Variants in PPP1R14C observed in about 807,000 individuals in gnomAD.
PPP1R14C encodes the protein protein phosphatase 1 regulatory inhibitor subunit 14C.
Under a neutral mutation model 20.4 loss-of-function variants are expected in PPP1R14C, and 16 were observed. That is an observed-to-expected ratio of 0.78 (90% CI 0.53 to 1.19). The LOEUF is 1.19. PPP1R14C is among the 50% of genes most tolerant of loss of function. The pLI is 0.00. For synonymous variants in PPP1R14C, 91 were observed against 91.0 expected, an observed-to-expected ratio of 1.00 and a Z score of 0.00; for missense variants, 211 against 220.1, an observed-to-expected ratio of 0.96 and a Z score of 0.26.
At chr6:150,198,773 G>T (rs1342426195) in intron 1 of PPP1R14C, among the ~76,000 whole-genome samples, 3 of 152,168 alleles carry the variant, frequency 2.0e-5, no homozygotes, top group South Asian at 4.1e-4. Flanking sequence ...CAGGGAAAAG[G>T]GTGTCTTTCT....
rs981258146 is a variant in PPP1R14C at position 150,143,796 on chromosome 6, C to T, written c.306+298C>T. On this transcript the variant is annotated intron_variant, in intron 1 of 3. Coordinates refer to ENST00000361131, the MANE Select transcript of PPP1R14C (RefSeq NM_030949.3). The surrounding 1 kb of genome is among the most constrained non-coding windows in gnomAD (Gnocchi z 5.6). ...AGTGCTTTTCTCCGAGCTCCGGGCG[C>T]CTCTGGGCTCCAGCTGCAGCTGCGC... is the stretch of plus-strand genomic sequence containing the variant. Among the ~76,000 whole-genome samples, 1 of 152,108 alleles carries T rather than the reference C, an allele frequency of 6.6e-6. No homozygotes were observed. The highest frequency in any genetic ancestry group is 1.5e-5 in the Non-Finnish European group (1 of 68,028).
rs773085377 is a variant in PPP1R14C at position 150,249,614 on chromosome 6, A to G, written c.*794A>G. 1 of 398,600 alleles carries G rather than the reference A, an allele frequency of 2.5e-6. No individual in the cohort carries two copies. The highest frequency in any genetic ancestry group is 3.6e-5 in the East Asian group (1 of 28,072). 24.7% of individuals were successfully genotyped at this position (398,600 alleles called of 1,614,324 possible). ...AATTTGAAGAACTAACTTGATTTCTAGAGAAATATCCACACTATCTCAGTG... is the reference window on the plus strand; with the variant it reads ...AATTTGAAGAACTAACTTGATTTCTGGAGAAATATCCACACTATCTCAGTG... On this transcript the variant is annotated 3_prime_UTR_variant, in exon 4 of 4. Coordinates refer to ENST00000361131, the MANE Select transcript of PPP1R14C (RefSeq NM_030949.3).
intron 3 of PPP1R14C, among the ~76,000 whole-genome samples, chr6:150,245,397 C>T (rs921867582): frequency 3.9e-5 from 6 of 152,222 alleles, no homozygotes; most frequent in African/African-American, 7.2e-5. Flanking sequence ...AGCTTTCCAC[C>T]GTGATGCTCT....
chr6:150,184,817 T>C (rs1777659545), intron 1 of PPP1R14C, among the ~76,000 whole-genome samples: 1 of 152,190 alleles, frequency 6.6e-6, no homozygotes, highest in Non-Finnish European at 1.5e-5. Context: ...CCCAGAAAGA[T>C]TTGTGAATGA....
chr6:150,150,861 C>T (rs1209619340), intron 1 of PPP1R14C, among the ~76,000 whole-genome samples: 1 of 152,066 alleles, frequency 6.6e-6, no homozygotes, highest in Non-Finnish European at 1.5e-5. Context: ...TCTGTTTAAA[C>T]CACCACCATC....
chr6:150,150,256 T>C (rs1287432530), intron 1 of PPP1R14C, among the ~76,000 whole-genome samples: 1 of 95,390 alleles, frequency 1.0e-5, no homozygotes, highest in Non-Finnish European at 2.2e-5. Flanking sequence ...AATACACCTT[T>C]CTTCATTGAC....
intron 1 of PPP1R14C, among the ~76,000 whole-genome samples, chr6:150,183,851 A>G (rs1383426069): frequency 1.3e-5 from 2 of 152,230 alleles, no homozygotes; most frequent in African/African-American, 4.8e-5. Flanking sequence ...CAAAAGTTTC[A>G]GTGGTTTATA....
chr6:150,220,167 C>CTATT (rs1778149626), intron 3 of PPP1R14C, among the ~76,000 whole-genome samples: 1 of 152,162 alleles, frequency 6.6e-6, no homozygotes, highest in Non-Finnish European at 1.5e-5. Flanking sequence ...GACTGTTTGG[C>CTATT]TATTGCTGGG....
At chr6:150,169,211 C>G (rs1490710405) in intron 1 of PPP1R14C, among the ~76,000 whole-genome samples, 5 of 152,146 alleles carry the variant, frequency 3.3e-5, no homozygotes, top group Admixed American at 3.3e-4. Context: ...ATTTTACACT[C>G]CTTAAAAATA....
intron 1 of PPP1R14C, among the ~76,000 whole-genome samples, chr6:150,204,700 A>G (rs778960500): frequency 3.0e-4 from 46 of 152,144 alleles, no homozygotes; most frequent in Non-Finnish European, 6.3e-4. Flanking sequence ...ACCCTGCCCC[A>G]GCTCTCACGG....
intron 1 of PPP1R14C, among the ~76,000 whole-genome samples, chr6:150,155,303 G>A (rs929393197): frequency 6.6e-5 from 10 of 152,164 alleles, no homozygotes; most frequent in Non-Finnish European, 1.2e-4. Flanking sequence ...TTTATGGACA[G>A]TTCTGGCAGG....
chr6:150,170,330 T>C (rs1361275853), intron 1 of PPP1R14C, among the ~76,000 whole-genome samples: 2 of 151,842 alleles, frequency 1.3e-5, no homozygotes, highest in Admixed American at 6.6e-5. Flanking sequence ...TTTTTTTTTT[T>C]TTCTTTTTTT....
chr6:150,160,389 C>T (rs962434809), intron 1 of PPP1R14C, among the ~76,000 whole-genome samples: 32 of 151,390 alleles, frequency 2.1e-4, no homozygotes, highest in African/African-American at 6.1e-4. Context: ...TTCAGCCTCC[C>T]GAGTAGCTGG....
chr6:150,159,088 G>A (rs1196093045), intron 1 of PPP1R14C, among the ~76,000 whole-genome samples: 1 of 152,114 alleles, frequency 6.6e-6, no homozygotes, highest in African/African-American at 2.4e-5. Flanking sequence ...AAGGTAAAAG[G>A]AAGATTGAAT....
chr6:150,214,620 C>T, intron 1 of PPP1R14C, 124 bp from the exon 2 acceptor site: 1 of 683,452 alleles, frequency 1.5e-6, no homozygotes, highest in Admixed American at 2.7e-5. Flanking sequence ...CTCCTTCCCC[C>T]TGCTTATCTG....
At chr6:150,183,652 C>T (rs1198132261) in intron 1 of PPP1R14C, among the ~76,000 whole-genome samples, 1 of 152,150 alleles carries the variant, frequency 6.6e-6, no homozygotes, top group Non-Finnish European at 1.5e-5. Flanking sequence ...GCTGGGATTA[C>T]AGGCGCCTGC....
In PPP1R14C at chr6:150,227,170, A is replaced by G. The variant is rs541886915; in HGVS notation, c.423+10314A>G. On this transcript the variant is annotated intron_variant, in intron 3 of 3. Transcript: ENST00000361131. ...TTGAGCTGTTTACAGTGTAGAGAGA[A>G]TATAAGTGGTATTTACAATACAGGA... Among the ~76,000 whole-genome samples, 10 of 152,346 alleles carry G rather than the reference A, an allele frequency of 6.6e-5. No individual in the cohort carries two copies. The South Asian group carries it at 2.1e-3, about 32-fold the overall frequency.
intron 3 of PPP1R14C, among the ~76,000 whole-genome samples, chr6:150,225,212 G>T (rs527862189): frequency 6.6e-6 from 1 of 152,146 alleles, no homozygotes; most frequent in East Asian, 1.9e-4. Context: ...TTTCAAAATG[G>T]TTCCTTTTTA....
In PPP1R14C at chr6:150,248,922, T is replaced by C. The variant is rs989816112; in HGVS notation, c.*102T>C. ...AGAATAGGTGTCCTTATGAACAACGTTTTTGTTTTTTTTTTTTTCTTTTTT... is the reference window on the plus strand; with the variant it reads ...AGAATAGGTGTCCTTATGAACAACGCTTTTGTTTTTTTTTTTTTCTTTTTT... On this transcript the variant is annotated 3_prime_UTR_variant, in exon 4 of 4. Transcript: ENST00000361131. The C allele has an allele frequency of 5.0e-6, 3 of 598,574 alleles. No homozygotes were observed. The African/African-American group carries it at 5.9e-5, about 12-fold the overall frequency. The allele number at this position is 598,574 out of a possible 1,614,324, so 37.1% of individuals were successfully genotyped here.
Sources: gnomAD v4.1 joint callset for allele counts (sites outside exome capture counted in the v4.1 genomes callset) on GRCh38, gnomAD v4.1.1 for gene constraint, Gnocchi (gnomAD v3.1) non-coding constraint, MANE v1.5 for transcripts, NCBI Gene and HGNC (gene_info 2026-07-23, HGNC 2026-07-21) for gene names.